Variants in OR2A14 observed in about 807,000 individuals in gnomAD.
OR2A14 encodes olfactory receptor family 2 subfamily A member 14, also known as olfactory receptor 2A14.
In OR2A14, 2 loss-of-function variants were observed where a neutral mutation model predicts 2.4. The observed-to-expected ratio is 0.85, with a 90% CI of 0.35 to 2.67. OR2A14 has a LOEUF of 2.67. Ranked by LOEUF, OR2A14 falls within the 30% of genes most tolerant of loss-of-function variation. The pLI, the probability that OR2A14 is intolerant of heterozygous loss-of-function variation, is 0.10. For synonymous variants in OR2A14, 160 were observed against 156.3 expected, an observed-to-expected ratio of 1.02 and a Z score of -0.18; for missense variants, 390 against 379.4, an observed-to-expected ratio of 1.03 and a Z score of -0.23.
Position 144,129,601 on chromosome 7 carries a change from G to A in OR2A14, c.489G>A (p.Leu163=). ...LLALVPLVLI[L]SLPFCGPHEI... ...CTCTGGTCCCTTTAGTTCTCATCCT[G>A]AGCCTGCCCTTCTGCGGGCCTCATG... Residue 163 remains leucine, a synonymous_variant, in exon 2 of 2, where the codon CTG becomes CTA. Coordinates refer to ENST00000641068, the MANE Select transcript of OR2A14 (RefSeq NM_001001659.3). 6.2e-7 allele frequency: 1 copy of A among 1,612,018 alleles called. No individual in the cohort carries two copies. Among genetic ancestry groups the A allele is most frequent in the Non-Finnish European group, 8.5e-7 (1 of 1,179,624 alleles).
intron 1 of OR2A14, among the ~76,000 whole-genome samples, 158 bp downstream of exon 1, chr7:144,123,422 G>A (rs2051459483): frequency 6.6e-6 from 1 of 152,152 alleles, no homozygotes; most frequent in Admixed American, 6.5e-5. Flanking sequence ...CTAGGGTCCT[G>A]AGGGGACCTC....
In OR2A14 at chr7:144,129,660, T is replaced by A; in HGVS notation, c.548T>A (p.Val183Asp). The A allele has an allele frequency of 6.2e-7, 1 of 1,614,152 alleles. No individual in the cohort carries two copies. The highest frequency in any genetic ancestry group is 8.5e-7 in the Non-Finnish European group (1 of 1,180,018). ...INHFFCEILS[V>D]LKLACADTWL... ...CACTTCTTCTGTGAAATCCTGTCTG[T>A]CCTCAAGTTGGCCTGTGCTGACACC... The change falls in exon 2 of 2, where the codon GTC becomes GAC. Residue 183 changes from valine to aspartate, a missense_variant. Coordinates refer to ENST00000641068, the MANE Select transcript of OR2A14 (RefSeq NM_001001659.3).
At chr7:144,127,446 T>A (rs1297623967) in intron 1 of OR2A14, among the ~76,000 whole-genome samples, 3 of 152,198 alleles carry the variant, frequency 2.0e-5, no homozygotes, top group African/African-American at 4.8e-5. Flanking sequence ...AATTTCACTT[T>A]TAGAATATGT....
intron 1 of OR2A14, among the ~76,000 whole-genome samples, chr7:144,124,329 G>C (rs2051466480): frequency 6.6e-6 from 1 of 152,114 alleles, no homozygotes; most frequent in Non-Finnish European, 1.5e-5. Context: ...AGGCATGGTG[G>C]TGCATGCCTG....
In OR2A14 at chr7:144,129,678, C is replaced by T. The variant is rs772015886; in HGVS notation, c.566C>T (p.Ala189Val). 7.4e-6 allele frequency: 12 copies of T among 1,614,008 alleles called. No individual in the cohort carries two copies. The South Asian group carries it at 1.2e-4, about 16-fold the overall frequency. The change falls in exon 2 of 2, where the codon GCT becomes GTT. Residue 189 changes from alanine to valine, a missense_variant. Ala to Val is a moderately conservative substitution (Grantham distance 64). Coordinates refer to ENST00000641068, the MANE Select transcript of OR2A14 (RefSeq NM_001001659.3). The stretch of plus-strand genomic sequence containing the variant: ...CTGTCTGTCCTCAAGTTGGCCTGTG[C>T]TGACACCTGGCTCAACCAGGTGGTC... ...EILSVLKLACADTWLNQVVIF... is the reference protein window; with the variant it reads ...EILSVLKLACVDTWLNQVVIF...
In OR2A14 at chr7:144,129,746, C is replaced by G; in HGVS notation, c.634C>G (p.Leu212Val). Residue 212 changes from leucine to valine, a missense_variant, in exon 2 of 2, where the codon CTG becomes GTG. Leu to Val is a conservative substitution (Grantham distance 32, BLOSUM62 1). Coordinates refer to ENST00000641068, the MANE Select transcript of OR2A14 (RefSeq NM_001001659.3). ...CVFILVGPLC[L>V]VLVSYLRILA... is the part of the protein sequence containing the mutation. ...GTTCATCCTGGTGGGGCCACTCTGC[C>G]TGGTGCTGGTCTCCTACTTGCGCAT... 1 of 1,614,006 alleles carries G rather than the reference C, an allele frequency of 6.2e-7. No individual in the cohort carries two copies. The highest frequency in any genetic ancestry group is 8.5e-7 in the Non-Finnish European group (1 of 1,180,034).
chr7:144,124,706 CCTCT>C (rs986154750), intron 1 of OR2A14, among the ~76,000 whole-genome samples: 4 of 152,058 alleles, frequency 2.6e-5, no homozygotes, highest in Admixed American at 6.5e-5. Flanking sequence ...AAAAATTAAT[CCTCT>C]CTCTATCATT....
intron 1 of OR2A14, among the ~76,000 whole-genome samples, chr7:144,124,361 C>G (rs2051466734): frequency 6.7e-6 from 1 of 150,344 alleles, no homozygotes; most frequent in African/African-American, 2.5e-5. Flanking sequence ...ACTTGGGGAG[C>G]TGAGGCAGGA....
At chr7:144,123,381 T>A (rs965514467) in intron 1 of OR2A14, 117 bp downstream of exon 1, 3 of 152,308 alleles carry the variant, frequency 2.0e-5, no homozygotes, top group South Asian at 2.1e-4. Flanking sequence ...TGCTATGTGG[T>A]CTCCTTCTGC....
chr7:144,127,438 T>C (rs2051489566), intron 1 of OR2A14, among the ~76,000 whole-genome samples: 1 of 152,208 alleles, frequency 6.6e-6, no homozygotes, highest in South Asian at 2.1e-4. Context: ...GCATCTGCAA[T>C]TTCACTTTTA....
chr7:144,125,709 T>C (rs1273937874), intron 1 of OR2A14, among the ~76,000 whole-genome samples: 1 of 152,232 alleles, frequency 6.6e-6, no homozygotes, highest in Non-Finnish European at 1.5e-5. Context: ...TCACTTTCAC[T>C]AAGAATTCTA....
rs1484775000 is a variant in OR2A14, at chr7:144,130,226, G to A, written c.*181G>A. The A allele has an allele frequency of 8.1e-6, 4 of 493,526 alleles. No individual in the cohort carries two copies. The highest frequency in any genetic ancestry group is 1.9e-5 in the African/African-American group (1 of 51,942). 30.6% of individuals were successfully genotyped at this position (493,526 alleles called of 1,614,324 possible). A position where few individuals can be genotyped will look rare whatever the true frequency, so the allele number is the denominator to read the frequency against. ...GATAGGTAAATGCATTTATAATACT[G>A]GATAGGCATAAATTCATAAAGAAGA... is the stretch of plus-strand genomic sequence containing the variant. On this transcript the variant is annotated 3_prime_UTR_variant, in exon 2 of 2. Coordinates refer to ENST00000641068, the MANE Select transcript of OR2A14 (RefSeq NM_001001659.3).
At position 144,123,740 on chromosome 7, in the gene OR2A14, G is replaced by A. The variant is rs990531089; in HGVS notation, c.-35+476G>A. Among the ~76,000 whole-genome samples the A allele has an allele frequency of 5.3e-5, 8 of 152,146 alleles. No individual in the cohort carries two copies. In the East Asian group the frequency reaches 1.3e-3, roughly 26 times the overall value. ...GCCCCTCTGCTAACTGCCTAGTCCT[G>A]CACATTCTCAGAAGCGTTGTGTCAC... is the stretch of plus-strand genomic sequence containing the variant. On this transcript the variant is annotated intron_variant, in intron 1 of 1. Transcript: ENST00000641068.
In OR2A14 at chr7:144,129,483, A is replaced by C. The variant is rs754463801; in HGVS notation, c.371A>C (p.Asp124Ala). ...GTGATGTCCTATGATCGCTATGCGG[A>C]CATCTGCCACCCCTTACGTTACAAT... ...LVVMSYDRYA[D>A]ICHPLRYNSL... is the part of the protein sequence containing the mutation. Residue 124 changes from aspartate to alanine, a missense_variant, in exon 2 of 2, where the codon GAC (aspartate) becomes GCC (alanine). Transcript: ENST00000641068. 1 of 1,614,076 alleles carries C rather than the reference A, an allele frequency of 6.2e-7. No homozygotes were observed. The highest frequency in any genetic ancestry group is 8.5e-7 in the Non-Finnish European group (1 of 1,179,972).
intron 1 of OR2A14, 52 bp from the exon 2 acceptor site, chr7:144,129,027 C>A: frequency 9.2e-7 from 1 of 1,089,024 alleles, no homozygotes; most frequent in South Asian, 1.7e-5. Flanking sequence ...AAAATTCATT[C>A]AAAGTTATAA....
intron 1 of OR2A14, among the ~76,000 whole-genome samples, chr7:144,123,803 C>T (rs61406720): frequency 6.6e-6 from 1 of 152,106 alleles, no homozygotes. Flanking sequence ...TGGATACAGG[C>T]ACCATTCACT....
At chr7:144,125,519 T>C (rs2051476290) in intron 1 of OR2A14, among the ~76,000 whole-genome samples, 1 of 152,208 alleles carries the variant, frequency 6.6e-6, no homozygotes, top group African/African-American at 2.4e-5. Flanking sequence ...AAAACTATTT[T>C]CCTCTTATAC....
Position 144,129,410 on chromosome 7 carries a change from A to G in OR2A14, c.298A>G (p.Thr100Ala). The G allele has an allele frequency of 6.2e-7, 1 of 1,614,214 alleles. No individual in the cohort carries two copies. Among genetic ancestry groups the G allele is most frequent in the Non-Finnish European group, 8.5e-7 (1 of 1,180,018 alleles). The change falls in exon 2 of 2, where the codon ACA (threonine) becomes GCA (alanine). Residue 100 changes from threonine to alanine, a missense_variant. Coordinates refer to ENST00000641068, the MANE Select transcript of OR2A14 (RefSeq NM_001001659.3). ...TISFFPCIMQTFLYLAFAHVE... is the reference protein window; with the variant it reads ...TISFFPCIMQAFLYLAFAHVE... Reference sequence around the variant, plus strand: ...CTCCTTTTTTCCATGCATAATGCAGACATTCTTGTATTTGGCTTTTGCTCA... The same window carrying G: ...CTCCTTTTTTCCATGCATAATGCAGGCATTCTTGTATTTGGCTTTTGCTCA...
chr7:144,128,975 C>A, intron 1 of OR2A14, 104 bp from the exon 2 acceptor site: 1 of 660,298 alleles, frequency 1.5e-6, no homozygotes, highest in Non-Finnish European at 2.6e-6. Flanking sequence ...TTTATGAGCA[C>A]ACTTGGTTAG....
Sources: gnomAD v4.1 joint callset for allele counts (sites outside exome capture counted in the v4.1 genomes callset) on GRCh38, gnomAD v4.1.1 for gene constraint, MANE v1.5 for transcripts, NCBI Gene and HGNC (gene_info 2026-07-23, HGNC 2026-07-21) for gene names.